Variants in EEFSEC observed in about 807,000 individuals in gnomAD.
EEFSEC encodes the protein selenocysteine-specific elongation factor.
EEFSEC carries 43 observed loss-of-function variants against 42.1 expected under a neutral mutation model. The observed-to-expected ratio is 1.02, with a 90% CI of 0.80 to 1.32. EEFSEC has a LOEUF of 1.32. EEFSEC is among the 40% of genes most tolerant of loss of function. The pLI, the probability that EEFSEC is intolerant of heterozygous loss-of-function variation, is 0.00. For missense variants in EEFSEC, 745 were observed against 803.6 expected (o/e 0.93, Z 0.88); for synonymous variants, 354 against 339.1 (o/e 1.04, Z -0.48).
At position 128,371,947 on chromosome 3, in the gene EEFSEC, C is replaced by T. The variant is rs369710642; in HGVS notation, c.1600+13574C>T. 3.3e-5 allele frequency among the ~76,000 whole-genome samples: 5 copies of T among 152,336 alleles called. No individual in the cohort carries two copies. In the South Asian group the frequency reaches 1.0e-3, roughly 32 times the overall value. On this transcript the variant is annotated intron_variant, in intron 6 of 6. Transcript: ENST00000254730. ...CCCAGTGGCCTTGAGAGGAGGGAGG[C>T]TCTGTCCAGCCTGGTGCGGACCAGG...
At chr3:128,174,991 G>A (rs1237123532) in intron 1 of EEFSEC, among the ~76,000 whole-genome samples, 1 of 152,160 alleles carries the variant, frequency 6.6e-6, no homozygotes, top group Admixed American at 6.5e-5. Flanking sequence ...TAGATTTATT[G>A]TTTTAGTTGG....
intron 4 of EEFSEC, among the ~76,000 whole-genome samples, chr3:128,285,280 G>T (rs1360108067): frequency 1.3e-5 from 2 of 152,168 alleles, no homozygotes; most frequent in Non-Finnish European, 2.9e-5. Context: ...GGTGCCTCTG[G>T]CGTGGGAGCT....
At chr3:128,273,804 G>C (rs1397252920) in intron 4 of EEFSEC, among the ~76,000 whole-genome samples, 1 of 152,218 alleles carries the variant, frequency 6.6e-6, no homozygotes, top group African/African-American at 2.4e-5. Flanking sequence ...AACCCAAGTG[G>C]TGTCTTCCTA....
chr3:128,406,691 T>C (rs1165167960), intron 6 of EEFSEC, among the ~76,000 whole-genome samples: 1 of 152,026 alleles, frequency 6.6e-6, no homozygotes, highest in Non-Finnish European at 1.5e-5. Flanking sequence ...CACGAGCCTG[T>C]GGTCCCCACT....
intron 1 of EEFSEC, among the ~76,000 whole-genome samples, chr3:128,202,692 T>C (rs1164100005): frequency 3.9e-5 from 6 of 152,212 alleles, no homozygotes; most frequent in Admixed American, 3.9e-4. Context: ...AGTAAAATGT[T>C]GAGTAGAAGT....
chr3:128,159,828 A>T (rs776284168), intron 1 of EEFSEC, among the ~76,000 whole-genome samples: 5 of 151,884 alleles, frequency 3.3e-5, no homozygotes, highest in Non-Finnish European at 5.9e-5. Flanking sequence ...TGTCTCTTCA[A>T]CCCTCACCCC....
intron 4 of EEFSEC, among the ~76,000 whole-genome samples, chr3:128,325,629 T>C (rs972160436): frequency 6.6e-6 from 1 of 152,226 alleles, no homozygotes; most frequent in African/African-American, 2.4e-5. Flanking sequence ...TAGGTATTTC[T>C]TTTTGAACCT....
intron 1 of EEFSEC, among the ~76,000 whole-genome samples, chr3:128,244,919 G>A (rs1475990554): frequency 6.6e-6 from 1 of 152,156 alleles, no homozygotes; most frequent in Non-Finnish European, 1.5e-5. Flanking sequence ...TTTTAAATGG[G>A]TGTATAGTAT....
chr3:128,330,727 ATCAGTGCATCTCCCCTCTTCCCCGCTTCC>A (rs2067117991), intron 4 of EEFSEC, among the ~76,000 whole-genome samples: 5 of 151,704 alleles, frequency 3.3e-5, no homozygotes, highest in East Asian at 1.9e-4. Context: ...GGCAGGGGGC[ATCAGTGCATCTCCCCTCTTCCCCGCTTCC>A]TCAGTGCATC....
intron 4 of EEFSEC, among the ~76,000 whole-genome samples, chr3:128,284,615 C>G (rs1330808097): frequency 6.6e-6 from 1 of 152,178 alleles, no homozygotes; most frequent in Non-Finnish European, 1.5e-5. Flanking sequence ...CTTGCCTTTC[C>G]CCTGAGAGAC....
the EEFSEC span, among the ~76,000 whole-genome samples, chr3:128,416,942 G>A: frequency 1.3e-5 from 2 of 152,256 alleles, no homozygotes; most frequent in South Asian, 4.1e-4. Flanking sequence ...TGGTGCCGCG[G>A]GTTCCTGCTT....
intron 1 of EEFSEC, among the ~76,000 whole-genome samples, chr3:128,174,572 G>C (rs2065329606): frequency 6.6e-6 from 1 of 152,218 alleles, no homozygotes; most frequent in Non-Finnish European, 1.5e-5. Flanking sequence ...GGGCTCTGGA[G>C]TCAGGAAGAT....
intron 6 of EEFSEC, among the ~76,000 whole-genome samples, chr3:128,368,052 T>C (rs976572420): frequency 2.6e-5 from 4 of 152,228 alleles, no homozygotes; most frequent in African/African-American, 9.6e-5. Flanking sequence ...ATCCTGGGTG[T>C]AGCCCCTTGC....
At chr3:128,424,011 G>A in the EEFSEC span, among the ~76,000 whole-genome samples, 1 of 152,078 alleles carries the variant, frequency 6.6e-6, no homozygotes, top group Non-Finnish European at 1.5e-5. Context: ...GGAGCTGCGG[G>A]AGACACAGAA....
At chr3:128,234,145 C>T (rs995778542) in intron 1 of EEFSEC, among the ~76,000 whole-genome samples, 3 of 151,938 alleles carry the variant, frequency 2.0e-5, no homozygotes, top group South Asian at 2.1e-4. Context: ...CTCTGCCTCC[C>T]GGGTTCAAGC....
chr3:128,377,830 C>T (rs2067727314), intron 6 of EEFSEC, among the ~76,000 whole-genome samples: 1 of 152,242 alleles, frequency 6.6e-6, no homozygotes, highest in African/African-American at 2.4e-5. Context: ...ATACTTCCAT[C>T]AGCAGTGGGT....
At chr3:128,377,616 A>T (rs1162945209) in intron 6 of EEFSEC, among the ~76,000 whole-genome samples, 1 of 152,266 alleles carries the variant, frequency 6.6e-6, no homozygotes, top group Non-Finnish European at 1.5e-5. Flanking sequence ...CTACCTAAGC[A>T]TCTGTGGATG....
intron 4 of EEFSEC, among the ~76,000 whole-genome samples, chr3:128,307,717 T>G (rs2066846269): frequency 6.6e-6 from 1 of 152,222 alleles, no homozygotes; most frequent in Non-Finnish European, 1.5e-5. Context: ...GAAATAGTGC[T>G]CAGCCTGTGC....
At chr3:128,354,182 T>G (rs1394123638) in intron 5 of EEFSEC, among the ~76,000 whole-genome samples, 1 of 152,064 alleles carries the variant, frequency 6.6e-6, no homozygotes, top group East Asian at 1.9e-4. Flanking sequence ...GACGTCCAGC[T>G]CCTGCCCTCA....
Sources: allele counts gnomAD v4.1 joint callset (sites outside exome capture counted in the v4.1 genomes callset), GRCh38; gene constraint gnomAD v4.1.1; transcripts MANE v1.5; gene names NCBI Gene and HGNC (gene_info 2026-07-23, HGNC 2026-07-21).